Variants in SYT9 observed in about 807,000 individuals in gnomAD.
SYT9 encodes synaptotagmin 9.
SYT9 carries 22 observed loss-of-function variants against 48.4 expected under a neutral mutation model. That is an observed-to-expected ratio of 0.45 (90% CI 0.32 to 0.65). The LOEUF is 0.65. SYT9 is among the 30% of genes least tolerant of loss of function. The pLI is 0.03. For synonymous variants in SYT9, 265 were observed against 245.0 expected (o/e 1.08, Z -0.76); for missense variants, 577 against 622.0 (o/e 0.93, Z 0.77).
chr11:7,384,292 T>C (rs1850617597), intron 3 of SYT9, among the ~76,000 whole-genome samples: 1 of 152,152 alleles, frequency 6.6e-6, no homozygotes, highest in African/African-American at 2.4e-5. Context: ...ATTTCCATTC[T>C]CTTATATCTA....
At chr11:7,414,448 C>T (rs1367458174) in intron 3 of SYT9, among the ~76,000 whole-genome samples, 1 of 152,206 alleles carries the variant, frequency 6.6e-6, no homozygotes, top group Non-Finnish European at 1.5e-5. Context: ...GAGGCTGGGT[C>T]AATCCTTCCC....
intron 1 of SYT9, among the ~76,000 whole-genome samples, chr11:7,293,511 C>T (rs531107191): frequency 6.6e-6 from 1 of 152,152 alleles, no homozygotes. Flanking sequence ...GCAGGAATGG[C>T]CCTAAGTTTT....
At chr11:7,315,105 G>A (rs1262482089) in intron 3 of SYT9, among the ~76,000 whole-genome samples, 2 of 152,228 alleles carry the variant, frequency 1.3e-5, no homozygotes, top group African/African-American at 4.8e-5. Flanking sequence ...TAGCATGGGA[G>A]TCTGCTGGCC....
Position 7,251,972 on chromosome 11 carries a change from GAGAA to G in SYT9, c.-212_-209del. 4.3e-6 allele frequency: 2 copies of G among 459,870 alleles called. No individual in the cohort carries two copies. Among genetic ancestry groups the G allele is most frequent in the Non-Finnish European group, 7.5e-6 (2 of 267,814 alleles). 28.5% of individuals were successfully genotyped at this position (459,870 alleles called of 1,614,324 possible). A position where few individuals can be genotyped will look rare whatever the true frequency, so the allele number is the denominator to read the frequency against. ...GGACGGAGGGACCGGGCGGGAGAGAGAGAAAGCCTGACCGACCGGCTGGCGAAGA... is the reference window on the plus strand; with the variant it reads ...GGACGGAGGGACCGGGCGGGAGAGAGAGCCTGACCGACCGGCTGGCGAAGA... On this transcript the variant is annotated 5_prime_UTR_variant, in exon 1 of 7. Transcript: ENST00000318881.
intron 4 of SYT9, among the ~76,000 whole-genome samples, chr11:7,417,237 T>C (rs1025718330): frequency 3.9e-5 from 6 of 152,100 alleles, no homozygotes; most frequent in African/African-American, 1.2e-4. Flanking sequence ...GGACTGCATA[T>C]AGGAGTCAGA....
At chr11:7,448,938 G>A (rs1452340518) in intron 6 of SYT9, among the ~76,000 whole-genome samples, 1 of 152,134 alleles carries the variant, frequency 6.6e-6, no homozygotes, top group African/African-American at 2.4e-5. Context: ...GGAGCAGCAG[G>A]GGCTTAGTCT....
At chr11:7,308,728 G>A (rs1034442616) in intron 2 of SYT9, among the ~76,000 whole-genome samples, 1 of 152,122 alleles carries the variant, frequency 6.6e-6, no homozygotes, top group Admixed American at 6.5e-5. Context: ...TCACCCGCCT[G>A]GACAGCCATT....
chr11:7,397,378 T>C (rs1846775781), intron 3 of SYT9, among the ~76,000 whole-genome samples: 1 of 152,168 alleles, frequency 6.6e-6, no homozygotes, highest in African/African-American at 2.4e-5. Flanking sequence ...TTCCATTGAG[T>C]GCTATGTCTG....
At chr11:7,264,888 G>A (rs74051006) in intron 1 of SYT9, among the ~76,000 whole-genome samples, 2,928 of 152,224 alleles carry the variant, frequency 0.019, 100 homozygotes, top group African/African-American at 0.066. Flanking sequence ...TGTGGGGGAA[G>A]CGACCTGAGG....
intron 3 of SYT9, among the ~76,000 whole-genome samples, chr11:7,384,256 G>A (rs1850617212): frequency 6.6e-6 from 1 of 151,926 alleles, no homozygotes. Context: ...TTGGTAATTT[G>A]TATCTCTAAC....
upstream of SYT9, among the ~76,000 whole-genome samples, chr11:7,251,470 G>A (rs1478058223): frequency 6.6e-6 from 1 of 152,086 alleles, no homozygotes; most frequent in Non-Finnish European, 1.5e-5. Flanking sequence ...GCGAATCTTG[G>A]ACCCAAACCC....
At chr11:7,386,459 A>G (rs189895165) in intron 3 of SYT9, among the ~76,000 whole-genome samples, 1 of 151,832 alleles carries the variant, frequency 6.6e-6, no homozygotes, top group Non-Finnish European at 1.5e-5. Context: ...AAGAAAAAAA[A>G]AAACAACCCC....
At chr11:7,304,044 G>A (rs11041303) in intron 2 of SYT9, among the ~76,000 whole-genome samples, 15,061 of 152,198 alleles carry the variant, frequency 0.099, 916 homozygotes, top group East Asian at 0.33. Flanking sequence ...AAAAAGATGC[G>A]GTCTCTCAAG....
chr11:7,299,181 C>T (rs559775167), intron 1 of SYT9, among the ~76,000 whole-genome samples: 153 of 152,272 alleles, frequency 1.0e-3, no homozygotes, highest in Non-Finnish European at 1.9e-3. Context: ...GGTCATGTTT[C>T]TACCACCTAA....
At position 7,416,046 on chromosome 11, in the gene SYT9, A is replaced by C. The variant is rs746312264; in HGVS notation, c.1049A>C (p.Asn350Thr). 3 of 1,614,026 alleles carry C rather than the reference A, an allele frequency of 1.9e-6. No homozygotes were observed. The highest frequency in any genetic ancestry group is 2.7e-5 in the African/African-American group (2 of 74,924). The change falls in exon 4 of 7, where the codon AAC (asparagine) becomes ACC (threonine). Residue 350 changes from asparagine to threonine, a missense_variant. Asn to Thr is a moderately conservative substitution (Grantham distance 65). Transcript: ENST00000318881. Reference sequence around the variant, plus strand: ...TAGTTTGTGCTTTCTCAACAGGACAACGTGGATCTGGGAGAGCTGATGTTT... The same window carrying C: ...TAGTTTGTGCTTTCTCAACAGGACACCGTGGATCTGGGAGAGCTGATGTTT... ...WKDIEYVTND[N>T]VDLGELMFSL...
At chr11:7,364,529 G>A (rs1850205572) in intron 3 of SYT9, among the ~76,000 whole-genome samples, 1 of 152,212 alleles carries the variant, frequency 6.6e-6, no homozygotes, top group Non-Finnish European at 1.5e-5. Context: ...TGGCTGGGGT[G>A]TATGCCATGC....
intron 3 of SYT9, among the ~76,000 whole-genome samples, chr11:7,315,498 A>G (rs751815107): frequency 6.6e-6 from 1 of 152,202 alleles, no homozygotes; most frequent in African/African-American, 2.4e-5. Context: ...TATGGTAGGG[A>G]GGTGTTGGTC....
chr11:7,366,024 C>T (rs188249967), intron 3 of SYT9, among the ~76,000 whole-genome samples: 1 of 152,294 alleles, frequency 6.6e-6, no homozygotes, highest in African/African-American at 2.4e-5. Flanking sequence ...TGGTTACTTA[C>T]CCTTCAAGGT....
chr11:7,299,313 G>GA (rs996354006), intron 1 of SYT9, among the ~76,000 whole-genome samples: 7 of 151,866 alleles, frequency 4.6e-5, no homozygotes, highest in Non-Finnish European at 8.8e-5. Flanking sequence ...ACCTCTTTCT[G>GA]AAAAAAACAA....
Sources: allele counts gnomAD v4.1 joint callset (sites outside exome capture counted in the v4.1 genomes callset), GRCh38; gene constraint gnomAD v4.1.1; transcripts MANE v1.5; gene names NCBI Gene and HGNC (gene_info 2026-07-23, HGNC 2026-07-21).